EPB41: variants seen among roughly 807,000 people sequenced by gnomAD.
The protein encoded by EPB41 is protein 4.1.
In EPB41, 65 loss-of-function variants were observed where a neutral mutation model predicts 108.0. The observed-to-expected ratio is 0.60, with a 90% CI of 0.49 to 0.74. The LOEUF is 0.74. EPB41 is among the 30% of genes least tolerant of loss of function. The probability of loss-of-function intolerance (pLI) is 0.00; values close to 1 mark genes in which losing one functional copy is unlikely to be tolerated. For missense variants in EPB41, 875 were observed against 1,037.0 expected (o/e 0.84, Z 2.15); for synonymous variants, 336 against 358.9 (o/e 0.94, Z 0.72).
At chr1:29,073,862 G>A (rs953329846) in intron 16 of EPB41, among the ~76,000 whole-genome samples, 1 of 152,154 alleles carries the variant, frequency 6.6e-6, no homozygotes. Flanking sequence ...TAGATTTCCA[G>A]TTGGCATCCT....
intron 18 of EPB41, among the ~76,000 whole-genome samples, chr1:29,110,934 A>G (rs1017176996): frequency 1.1e-4 from 16 of 152,092 alleles, no homozygotes; most frequent in Admixed American, 5.2e-4. Context: ...TGGGAGGCCA[A>G]GGCGGGCGGA....
intron 17 of EPB41, among the ~76,000 whole-genome samples, chr1:29,099,862 A>G (rs1013152030): frequency 6.6e-6 from 1 of 152,258 alleles, no homozygotes; most frequent in African/African-American, 2.4e-5. Context: ...GTTAGGAGAA[A>G]CAGGCAATAA....
chr1:28,956,895 T>C (rs2094971453), intron 1 of EPB41, among the ~76,000 whole-genome samples: 1 of 152,222 alleles, frequency 6.6e-6, no homozygotes, highest in African/African-American at 2.4e-5. Context: ...AGAAGCTGTC[T>C]AAATTTCAAG....
chr1:29,098,076 G>C (rs1314742301), intron 17 of EPB41, 141 bp downstream of exon 17: 2 of 1,252,494 alleles, frequency 1.6e-6, no homozygotes, highest in African/African-American at 3.0e-5. Flanking sequence ...ACTGGTCTAA[G>C]AAGGTCCCAG....
At chr1:29,070,437 T>C in intron 16 of EPB41, 2 of 1,232,158 alleles carry the variant, frequency 1.6e-6, no homozygotes, top group Non-Finnish European at 2.0e-6. Flanking sequence ...GAAAGAGCCT[T>C]GCCCCAGCAA....
chr1:29,003,578 T>C (rs1051645691), intron 4 of EPB41, among the ~76,000 whole-genome samples: 2 of 152,248 alleles, frequency 1.3e-5, no homozygotes, highest in African/African-American at 4.8e-5. Context: ...TCTGGTGTCT[T>C]CTTTTTGTAT....
chr1:28,987,213 G>A (rs2095888586), intron 1 of EPB41, among the ~76,000 whole-genome samples: 1 of 152,174 alleles, frequency 6.6e-6, no homozygotes, highest in Non-Finnish European at 1.5e-5. Flanking sequence ...CTCTCTCTGT[G>A]TGCATATCTT....
In EPB41 at chr1:28,960,632, T is replaced by C. The variant is rs117154059; in HGVS notation, c.-7-26799T>C. ...TGGTGATTTGCTCCTGTAGAGGCTGTGGTAGGAGGATCATTTGAGCCTGAG... is the reference window on the plus strand; with the variant it reads ...TGGTGATTTGCTCCTGTAGAGGCTGCGGTAGGAGGATCATTTGAGCCTGAG... On this transcript the variant is annotated intron_variant, in intron 1 of 20. Transcript: ENST00000343067. Among the ~76,000 whole-genome samples, 1,458 of 148,512 alleles carry C rather than the reference T, an allele frequency of 9.8e-3. 9 individuals are homozygous for C. The highest frequency in any genetic ancestry group is 0.018 in the Non-Finnish European group (1,191 of 67,230).
chr1:29,024,442 G>A (rs2096690869), intron 7 of EPB41, among the ~76,000 whole-genome samples: 1 of 151,480 alleles, frequency 6.6e-6, no homozygotes. Flanking sequence ...GACCAGCCTG[G>A]TCAAGATGGT....
upstream of EPB41, chr1:28,911,210 C>T: frequency 1.0e-6 from 1 of 980,170 alleles, no homozygotes; most frequent in Non-Finnish European, 1.2e-6. Context: ...AGCCTAACAA[C>T]TGAAGATGTG....
intron 1 of EPB41, among the ~76,000 whole-genome samples, chr1:28,938,935 T>C (rs970662324): frequency 6.6e-6 from 1 of 152,194 alleles, no homozygotes; most frequent in Non-Finnish European, 1.5e-5. Flanking sequence ...ATAGGGATAG[T>C]TTTATTTTTT....
intron 2 of EPB41, 147 bp from the exon 3 acceptor site, chr1:28,993,183 T>G: frequency 1.5e-6 from 1 of 661,578 alleles, no homozygotes; most frequent in South Asian, 1.8e-5. Flanking sequence ...ATCATACTAT[T>G]TTTTATAGAA....
chr1:29,003,239 C>T (rs770198126), intron 4 of EPB41, among the ~76,000 whole-genome samples: 8 of 152,152 alleles, frequency 5.3e-5, no homozygotes, highest in African/African-American at 7.2e-5. Context: ...CTAAGTTTTC[C>T]GCCATTCTGA....
chr1:29,047,976 G>A (rs1342918523), intron 11 of EPB41, among the ~76,000 whole-genome samples: 1 of 151,560 alleles, frequency 6.6e-6, no homozygotes, highest in Non-Finnish European at 1.5e-5. Context: ...TAGAGACGAG[G>A]TTTCACCATG....
intron 7 of EPB41, among the ~76,000 whole-genome samples, chr1:29,029,099 A>G (rs1461339218): frequency 6.6e-6 from 1 of 152,178 alleles, no homozygotes; most frequent in Non-Finnish European, 1.5e-5. Flanking sequence ...AACAACAGAA[A>G]CATAAAATAG....
intron 19 of EPB41, among the ~76,000 whole-genome samples, chr1:29,113,421 T>C (rs1369750614): frequency 1.3e-5 from 2 of 152,202 alleles, no homozygotes; most frequent in African/African-American, 4.8e-5. Context: ...CAGCTGAGAA[T>C]AGTGGACACA....
intron 16 of EPB41, among the ~76,000 whole-genome samples, chr1:29,083,689 A>T (rs1657678419): frequency 6.6e-6 from 1 of 152,218 alleles, no homozygotes; most frequent in African/African-American, 2.4e-5. Context: ...TTATTATACA[A>T]CCTAGGGAAA....
intron 1 of EPB41, among the ~76,000 whole-genome samples, chr1:28,944,534 GTTT>G (rs55849161): frequency 4.7e-4 from 46 of 97,418 alleles, no homozygotes; most frequent in African/African-American, 1.7e-3. Flanking sequence ...CTCAGATCTG[GTTT>G]TTTTTTTTTT....
intron 1 of EPB41, among the ~76,000 whole-genome samples, chr1:28,891,949 C>T (rs1255989865): frequency 1.3e-5 from 2 of 151,972 alleles, no homozygotes; most frequent in African/African-American, 2.4e-5. Flanking sequence ...ATTAGCTGGG[C>T]ATGGTTGGTG....
Sources: gnomAD v4.1 joint callset for allele counts (sites outside exome capture counted in the v4.1 genomes callset) on GRCh38, gnomAD v4.1.1 for gene constraint, MANE v1.5 for transcripts, NCBI Gene and HGNC (gene_info 2026-07-23, HGNC 2026-07-21) for gene names.